CEP112: variants seen among roughly 807,000 people sequenced by gnomAD.
CEP112 encodes the protein centrosomal protein of 112 kDa.
Under a neutral mutation model 153.0 loss-of-function variants are expected in CEP112, and 127 were observed. That is an observed-to-expected ratio of 0.83 (90% CI 0.72 to 0.96). CEP112 has a LOEUF of 0.96. Ranked by LOEUF, CEP112 falls within the 40% of genes least tolerant of loss-of-function variation. CEP112 has a pLI of 0.00. For missense variants in CEP112, 1,089 were observed against 1,101.2 expected, an observed-to-expected ratio of 0.99 and a Z score of 0.16; for synonymous variants, 358 against 374.4, an observed-to-expected ratio of 0.96 and a Z score of 0.51.
At chr17:66,048,030 T>C (rs4514705) in intron 12 of CEP112, among the ~76,000 whole-genome samples, 62,491 of 152,114 alleles carry the variant, frequency 0.41, 14,309 homozygotes, top group East Asian at 0.87. Context: ...TCTAATACAA[T>C]GTAAGTGCTA....
At chr17:65,843,048 G>C (rs1158402986) in intron 21 of CEP112, among the ~76,000 whole-genome samples, 1 of 152,056 alleles carries the variant, frequency 6.6e-6, no homozygotes, top group Non-Finnish European at 1.5e-5. Context: ...CCTATAAAAA[G>C]TGTTAGTTTT....
intron 20 of CEP112, among the ~76,000 whole-genome samples, chr17:65,898,290 T>G (rs942698811): frequency 6.6e-6 from 1 of 152,104 alleles, no homozygotes; most frequent in African/African-American, 2.4e-5. Context: ...TAAAGAATGA[T>G]AGCCAATGTT....
At chr17:66,082,110 C>A (rs1239001817) in intron 8 of CEP112, among the ~76,000 whole-genome samples, 1 of 152,170 alleles carries the variant, frequency 6.6e-6, no homozygotes, top group African/African-American at 2.4e-5. Flanking sequence ...ACCAAAGGAG[C>A]AATTTCTACC....
chr17:65,818,164 T>A (rs2056366228), intron 21 of CEP112, among the ~76,000 whole-genome samples: 1 of 151,850 alleles, frequency 6.6e-6, no homozygotes, highest in Non-Finnish European at 1.5e-5. Flanking sequence ...AGGTCAGATA[T>A]CAATGTGACT....
chr17:65,728,004 C>A (rs1214269477), intron 23 of CEP112, among the ~76,000 whole-genome samples: 2 of 152,218 alleles, frequency 1.3e-5, no homozygotes, highest in Non-Finnish European at 2.9e-5. Flanking sequence ...CTGGCCAAAT[C>A]TAGCATTTAC....
chr17:65,869,666 G>A (rs962028070), intron 20 of CEP112, among the ~76,000 whole-genome samples: 5 of 147,344 alleles, frequency 3.4e-5, no homozygotes, highest in African/African-American at 5.0e-5. Context: ...TGCAAGCTAC[G>A]CCTCCTGGGT....
chr17:65,638,436 T>C (rs1331716295), intron 25 of CEP112, among the ~76,000 whole-genome samples: 1 of 152,194 alleles, frequency 6.6e-6, no homozygotes, highest in African/African-American at 2.4e-5. Context: ...TCCCGAAACA[T>C]AGTTATGCAA....
intron 24 of CEP112, among the ~76,000 whole-genome samples, chr17:65,683,551 T>A (rs2047635769): frequency 6.6e-6 from 1 of 152,110 alleles, no homozygotes; most frequent in Admixed American, 6.6e-5. Flanking sequence ...AGGACCCGGC[T>A]CCCCGGAGGG....
intron 18 of CEP112, among the ~76,000 whole-genome samples, chr17:65,956,744 C>G (rs1397071409): frequency 6.6e-6 from 1 of 151,758 alleles, no homozygotes; most frequent in Non-Finnish European, 1.5e-5. Flanking sequence ...ATTCATGTAA[C>G]CAAGCACCAC....
At chr17:65,679,159 T>C (rs996615962) in intron 24 of CEP112, among the ~76,000 whole-genome samples, 4 of 111,552 alleles carry the variant, frequency 3.6e-5, no homozygotes, top group African/African-American at 1.4e-4. Flanking sequence ...TTTTTTTTTT[T>C]TTTTTTTTTT....
At chr17:65,949,617 C>G (rs985468521) in intron 18 of CEP112, among the ~76,000 whole-genome samples, 8 of 152,068 alleles carry the variant, frequency 5.3e-5, no homozygotes, top group African/African-American at 1.7e-4. Flanking sequence ...CACATGAACT[C>G]TTAGATAAAG....
At chr17:65,667,101 C>A (rs1236167999) in intron 24 of CEP112, among the ~76,000 whole-genome samples, 1 of 152,170 alleles carries the variant, frequency 6.6e-6, no homozygotes, top group Non-Finnish European at 1.5e-5. Flanking sequence ...GCTCTCTGGG[C>A]TGTGGTGCTG....
chr17:65,714,868 C>T (rs528178922), intron 23 of CEP112, among the ~76,000 whole-genome samples: 1 of 152,160 alleles, frequency 6.6e-6, no homozygotes, highest in East Asian at 1.9e-4. Context: ...GAGGGGTAGG[C>T]AGGCTAGTGG....
chr17:65,806,599 C>G (rs545520933), intron 21 of CEP112, among the ~76,000 whole-genome samples: 1 of 152,106 alleles, frequency 6.6e-6, no homozygotes, highest in Non-Finnish European at 1.5e-5. Context: ...GGGTGGAATT[C>G]CCCTTGCTGT....
chr17:65,790,897 A>T (rs1402566342), intron 21 of CEP112, among the ~76,000 whole-genome samples: 2 of 152,128 alleles, frequency 1.3e-5, no homozygotes, highest in African/African-American at 4.8e-5. Flanking sequence ...TAAACCTTCC[A>T]TCTTAGTCTA....
At chr17:65,982,434 TTC>T (rs1389299263) in intron 17 of CEP112, among the ~76,000 whole-genome samples, 1 of 152,332 alleles carries the variant, frequency 6.6e-6, no homozygotes, top group Non-Finnish European at 1.5e-5. Context: ...GAACACACAA[TTC>T]TCTTAGTTAT....
At chr17:65,790,018 G>A (rs1396206194) in intron 21 of CEP112, among the ~76,000 whole-genome samples, 1 of 152,164 alleles carries the variant, frequency 6.6e-6, no homozygotes, top group Non-Finnish European at 1.5e-5. Flanking sequence ...CAAAGGAACA[G>A]AGGAAAACAA....
chr17:65,719,196 C>T (rs539136650), intron 23 of CEP112, among the ~76,000 whole-genome samples: 2 of 152,284 alleles, frequency 1.3e-5, no homozygotes, highest in African/African-American at 2.4e-5. Flanking sequence ...GGATTAGGGG[C>T]CAGTGGGAGG....
chr17:65,656,854 C>G (rs1369774905), intron 24 of CEP112, among the ~76,000 whole-genome samples: 1 of 152,240 alleles, frequency 6.6e-6, no homozygotes, highest in Non-Finnish European at 1.5e-5. Flanking sequence ...ACAGAGCTTA[C>G]AACCTTTGGT....
Sources: gnomAD v4.1 joint callset for allele counts (sites outside exome capture counted in the v4.1 genomes callset) on GRCh38, gnomAD v4.1.1 for gene constraint, MANE v1.5 for transcripts, NCBI Gene and HGNC (gene_info 2026-07-23, HGNC 2026-07-21) for gene names.